The following CLIC5 variants were observed in gnomAD, a reference collection of about 807,000 sequenced individuals.
The protein encoded by CLIC5 is chloride intracellular channel protein 5.
A neutral mutation model predicts 24.7 loss-of-function variants in CLIC5; 20 were observed. The observed-to-expected ratio is 0.81, with a 90% CI of 0.57 to 1.18. CLIC5 has a LOEUF of 1.18. Ranked by LOEUF, CLIC5 falls within the 50% of genes most tolerant of loss-of-function variation. The pLI is 0.00. For synonymous variants in CLIC5, 159 were observed against 135.6 expected, an observed-to-expected ratio of 1.17 and a Z score of -1.20; for missense variants, 341 against 326.1, an observed-to-expected ratio of 1.05 and a Z score of -0.35.
chr6:45,969,907 C>T (rs907337318), intron 1 of CLIC5, among the ~76,000 whole-genome samples: 2 of 150,686 alleles, frequency 1.3e-5, no homozygotes, highest in Non-Finnish European at 2.9e-5. Context: ...AGAAGGGAAG[C>T]TGTGTAGCTG....
intron 5 of CLIC5, chr6:45,911,573 T>A (rs1268201389): frequency 1.0e-5 from 10 of 981,300 alleles, no homozygotes; most frequent in Non-Finnish European, 1.2e-5. Context: ...GATAAAGGGA[T>A]CCAAAAGTAT....
intron 1 of CLIC5, among the ~76,000 whole-genome samples, chr6:46,000,473 C>T (rs1357672226): frequency 3.9e-5 from 6 of 152,106 alleles, no homozygotes; most frequent in Non-Finnish European, 7.4e-5. Context: ...AGCACCAAAC[C>T]GAAGGAGCAG....
chr6:45,945,018 A>C (rs1764246087), intron 3 of CLIC5, among the ~76,000 whole-genome samples: 1 of 152,224 alleles, frequency 6.6e-6, no homozygotes, highest in Admixed American at 6.5e-5. Flanking sequence ...CTGTGTAAGC[A>C]AAAGATCTCT....
At chr6:46,056,140 A>G (rs1173634355) in intron 1 of CLIC5, among the ~76,000 whole-genome samples, 1 of 152,192 alleles carries the variant, frequency 6.6e-6, no homozygotes, top group Non-Finnish European at 1.5e-5. Context: ...TGAGGCACAG[A>G]GAAGGAAAGT....
In CLIC5 at chr6:45,993,897, A is replaced by T. The variant is rs1766034387; in HGVS notation, c.63+21583T>A. The stretch of plus-strand genomic sequence containing the variant: ...AGCCTCTGTTAAAATACATCCGTTC[A>T]TGGGAAGCTCACCACCTTTCTCAAG... On this transcript the variant is annotated intron_variant, in intron 1 of 5. Transcript: ENST00000339561. 2.0e-5 allele frequency among the ~76,000 whole-genome samples: 3 copies of T among 152,204 alleles called. No homozygotes were observed. In the South Asian group the frequency reaches 6.2e-4, roughly 31 times the overall value.
chr6:46,006,079 CACATGTATAAATACAT>C (rs1210856958), intron 1 of CLIC5, among the ~76,000 whole-genome samples: 1 of 66,080 alleles, frequency 1.5e-5, no homozygotes, highest in African/African-American at 6.1e-5. Context: ...TATATATATA[CACATGTATAAATACAT>C]ATATATATAT....
Position 46,066,142 on chromosome 6 carries a change from G to C in CLIC5, c.540+13561C>G, listed in dbSNP as rs1762436826. On this transcript the variant is annotated intron_variant, in intron 1 of 5. Transcript: ENST00000185206. Reference sequence around the variant, plus strand: ...GTGTCTGAAGGAGTATGGTTGGGAAGCAACTCTATCTTTTGTACTTTTCAA... The same window carrying C: ...GTGTCTGAAGGAGTATGGTTGGGAACCAACTCTATCTTTTGTACTTTTCAA... 2.6e-5 allele frequency among the ~76,000 whole-genome samples: 4 copies of C among 152,130 alleles called. No individual in the cohort carries two copies. In the South Asian group the frequency reaches 8.3e-4, roughly 32 times the overall value.
intron 1 of CLIC5, among the ~76,000 whole-genome samples, chr6:46,078,687 G>A (rs1258213890): frequency 6.6e-6 from 1 of 152,116 alleles, no homozygotes; most frequent in Admixed American, 6.6e-5. Flanking sequence ...TGTGTGTCTG[G>A]TATGTATGTG....
intron 1 of CLIC5, among the ~76,000 whole-genome samples, chr6:46,014,016 G>C (rs1308830418): frequency 6.6e-6 from 1 of 152,106 alleles, no homozygotes; most frequent in East Asian, 1.9e-4. Context: ...GTCTGCCAAA[G>C]GACCTGGAAA....
At chr6:46,091,709 A>T in the CLIC5 span, among the ~76,000 whole-genome samples, 7 of 152,206 alleles carry the variant, frequency 4.6e-5, no homozygotes, top group African/African-American at 1.4e-4. Flanking sequence ...AAAAATGCCA[A>T]ATATAATTCC....
At chr6:45,929,984 C>T (rs563452079) in intron 4 of CLIC5, among the ~76,000 whole-genome samples, 6 of 151,566 alleles carry the variant, frequency 4.0e-5, no homozygotes, top group Admixed American at 2.6e-4. Flanking sequence ...CACTGTGACA[C>T]GGGGGCTGGG....
At chr6:46,020,264 C>T (rs1767138973), upstream of CLIC5, among the ~76,000 whole-genome samples, 1 of 152,096 alleles carries the variant, frequency 6.6e-6, no homozygotes, top group Middle Eastern at 3.4e-3. Context: ...AAATTAATAT[C>T]CAGAAAGATA....
intron 1 of CLIC5, among the ~76,000 whole-genome samples, chr6:46,005,892 G>T (rs899766311): frequency 6.6e-6 from 1 of 150,982 alleles, no homozygotes; most frequent in African/African-American, 2.4e-5. Context: ...CCAGAACTGT[G>T]AGAAATAAAT....
chr6:45,886,994 A>C (rs935412734), intron 6 of CLIC5, among the ~76,000 whole-genome samples: 3 of 152,166 alleles, frequency 2.0e-5, no homozygotes, highest in Non-Finnish European at 2.9e-5. Context: ...TGGACCAGTC[A>C]CCTGGTCTCA....
intron 1 of CLIC5, among the ~76,000 whole-genome samples, chr6:46,022,711 G>A (rs1767217641): frequency 6.6e-6 from 1 of 152,208 alleles, no homozygotes; most frequent in Non-Finnish European, 1.5e-5. Flanking sequence ...CTGGACTGAA[G>A]TCAAGAGTCC....
intron 3 of CLIC5, among the ~76,000 whole-genome samples, chr6:45,948,196 A>G (rs537684877): frequency 6.6e-6 from 1 of 152,238 alleles, no homozygotes; most frequent in Non-Finnish European, 1.5e-5. Flanking sequence ...ATGAATAAAT[A>G]AAACTTTAAA....
the CLIC5 span, among the ~76,000 whole-genome samples, chr6:46,088,367 T>C: frequency 6.6e-6 from 1 of 152,128 alleles, no homozygotes; most frequent in South Asian, 2.1e-4. Context: ...CATACTTCAG[T>C]TTTATAGTAC....
At chr6:45,914,581 AC>A (rs1251435801) in intron 4 of CLIC5, 172 bp from the exon 5 acceptor site, 1 of 1,218,518 alleles carries the variant, frequency 8.2e-7, no homozygotes, top group Non-Finnish European at 1.0e-6. Context: ...GTAGAAGTGT[AC>A]TAAATAGGCT....
intron 1 of CLIC5, among the ~76,000 whole-genome samples, chr6:45,992,219 G>A (rs1168458240): frequency 6.6e-6 from 1 of 152,148 alleles, no homozygotes; most frequent in Non-Finnish European, 1.5e-5. Flanking sequence ...CTGCATTCCT[G>A]CACATCCTGT....
Sources: gnomAD v4.1 joint callset for allele counts (sites outside exome capture counted in the v4.1 genomes callset) on GRCh38, gnomAD v4.1.1 for gene constraint, MANE v1.5 for transcripts, NCBI Gene and HGNC (gene_info 2026-07-23, HGNC 2026-07-21) for gene names.